ANGPT4: variants seen among roughly 807,000 people sequenced by gnomAD.
ANGPT4 encodes the protein angiopoietin 4, also known as angiopoietin-4.
Under a neutral mutation model 53.0 loss-of-function variants are expected in ANGPT4, and 50 were observed. That is an observed-to-expected ratio of 0.94 (90% CI 0.75 to 1.20). ANGPT4 has a LOEUF of 1.20. Ranked by LOEUF, ANGPT4 falls within the 50% of genes most tolerant of loss-of-function variation. The pLI is 0.00. For synonymous variants in ANGPT4, 251 were observed against 259.7 expected (o/e 0.97, Z 0.32); for missense variants, 648 against 637.1 (o/e 1.02, Z -0.18).
At chr20:905,981 G>T (rs1177493900) in intron 1 of ANGPT4, among the ~76,000 whole-genome samples, 1 of 152,138 alleles carries the variant, frequency 6.6e-6, no homozygotes, top group Non-Finnish European at 1.5e-5. Flanking sequence ...TTAAATATAG[G>T]CCTTTGGTCT....
chr20:906,046 G>C (rs1311825120), intron 1 of ANGPT4, among the ~76,000 whole-genome samples: 1 of 152,216 alleles, frequency 6.6e-6, no homozygotes, highest in Non-Finnish European at 1.5e-5. Context: ...CTAGCCTTCA[G>C]GATGACCCCA....
chr20:899,341 A>G (rs970776108), intron 1 of ANGPT4, among the ~76,000 whole-genome samples: 57 of 151,566 alleles, frequency 3.8e-4, no homozygotes, highest in East Asian at 2.7e-3. Context: ...TCCATCTCCC[A>G]GGTTCATGCC....
intron 3 of ANGPT4, among the ~76,000 whole-genome samples, chr20:887,601 C>A (rs1184162839): frequency 6.7e-6 from 1 of 149,668 alleles, no homozygotes; most frequent in Non-Finnish European, 1.5e-5. Flanking sequence ...GCCTTAGCTG[C>A]CAGATTTTTC....
rs577576289 is a variant in ANGPT4 at position 883,669 on chromosome 20, G to A, written c.835+1409C>T. On this transcript the variant is annotated intron_variant, in intron 4 of 8. Transcript: ENST00000381922. ...TGTTTGGGCAAAAGGTGCCCAAGGTGAGGTGCCCAACACAACCTCCTACTC... is the reference window on the plus strand; with the variant it reads ...TGTTTGGGCAAAAGGTGCCCAAGGTAAGGTGCCCAACACAACCTCCTACTC... Among the ~76,000 whole-genome samples, 4 of 152,336 alleles carry A rather than the reference G, an allele frequency of 2.6e-5. No homozygotes were observed. In the East Asian group the frequency reaches 7.7e-4, roughly 29 times the overall value.
intron 1 of ANGPT4, among the ~76,000 whole-genome samples, chr20:898,829 A>G (rs1982159765): frequency 1.3e-5 from 2 of 152,212 alleles, no homozygotes; most frequent in African/African-American, 2.4e-5. Context: ...CAAGTGCTGG[A>G]AATCTGGCCA....
At chr20:888,135 C>G (rs752207989) in intron 3 of ANGPT4, among the ~76,000 whole-genome samples, 183 bp downstream of exon 3, 24 of 152,166 alleles carry the variant, frequency 1.6e-4, no homozygotes, top group Non-Finnish European at 3.2e-4. Context: ...TACCTCCTTG[C>G]CCCAATCCTA....
At position 890,368 on chromosome 20, in the gene ANGPT4, G is replaced by A; in HGVS notation, c.310C>T (p.Leu104=). 6.2e-7 allele frequency: 1 copy of A among 1,609,440 alleles called. No individual in the cohort carries two copies. Among genetic ancestry groups the A allele is most frequent in the Non-Finnish European group, 8.5e-7 (1 of 1,179,564 alleles). The part of the protein sequence containing the change: ...LQNNTQWLKK[L]ERAIKTILRS... ...AAGATCGTCTTGATGGCCCTCTCTAGCTGTGGGAGACCATGGGCTGGGGTC... is the reference window on the plus strand; with the variant it reads ...AAGATCGTCTTGATGGCCCTCTCTAACTGTGGGAGACCATGGGCTGGGGTC... The change falls in exon 2 of 9, where the codon CTA becomes TTA. Residue 104 remains leucine, a splice_region_variant and synonymous_variant. Coordinates refer to ENST00000381922, the MANE Select transcript of ANGPT4 (RefSeq NM_015985.4).
rs112802863 is a variant in ANGPT4, at chr20:913,919, G to A, written c.309+1987C>T. Among the ~76,000 whole-genome samples the A allele has an allele frequency of 6.5e-3, 986 of 152,310 alleles. 3 individuals carry two copies. Among genetic ancestry groups the A allele is most frequent in the Non-Finnish European group, 8.9e-3 (607 of 68,022 alleles). ...GGAGGAGGGTGTTTGGAGAAGAGCAGGGAGTCGTCTCAGGCAGCTTTGGAG... is the reference window on the plus strand; with the variant it reads ...GGAGGAGGGTGTTTGGAGAAGAGCAAGGAGTCGTCTCAGGCAGCTTTGGAG... On this transcript the variant is annotated intron_variant, in intron 1 of 8. Coordinates refer to ENST00000381922, the MANE Select transcript of ANGPT4 (RefSeq NM_015985.4).
chr20:904,301 C>T (rs1292288352), intron 1 of ANGPT4, among the ~76,000 whole-genome samples: 1 of 152,222 alleles, frequency 6.6e-6, no homozygotes, highest in East Asian at 1.9e-4. Flanking sequence ...ATCCCACCAC[C>T]TGCCCTTCAG....
At chr20:892,825 C>A (rs1010276738) in intron 1 of ANGPT4, among the ~76,000 whole-genome samples, 2 of 152,166 alleles carry the variant, frequency 1.3e-5, no homozygotes, top group African/African-American at 4.8e-5. Context: ...CACCACCACG[C>A]GCAGTTCCCC....
chr20:872,729 G>A lies in ANGPT4; in HGVS notation c.*231C>T, dbSNP rs1405139874. ...CCCTGAAGGGGGAGGGAGAGAAGAGGGGCGAGGACTACATCAGAGGGATGG... is the reference window on the plus strand; with the variant it reads ...CCCTGAAGGGGGAGGGAGAGAAGAGAGGCGAGGACTACATCAGAGGGATGG... On this transcript the variant is annotated 3_prime_UTR_variant, in exon 9 of 9. Transcript: ENST00000381922. 6.0e-5 allele frequency: 33 copies of A among 545,626 alleles called. No individual in the cohort carries two copies. The East Asian group carries it at 1.0e-3, about 17-fold the overall frequency. The allele number at this position is 545,626 out of a possible 1,614,324, so 33.8% of individuals were successfully genotyped here. A position where few individuals can be genotyped will look rare whatever the true frequency, so the allele number is the denominator to read the frequency against.
intron 1 of ANGPT4, among the ~76,000 whole-genome samples, chr20:906,407 A>C (rs1982481585): frequency 6.6e-6 from 1 of 152,176 alleles, no homozygotes; most frequent in Non-Finnish European, 1.5e-5. Flanking sequence ...CATGAAAAAA[A>C]CCCCAAGTCG....
Position 893,791 on chromosome 20 carries a change from C to T in ANGPT4, c.310-3423G>A, listed in dbSNP as rs1487532085. ...CCAGTTCTGAAGCCCCAAACCCAGACCTCAATCTTAACTTCTCTTTTTCTT... is the reference window on the plus strand; with the variant it reads ...CCAGTTCTGAAGCCCCAAACCCAGATCTCAATCTTAACTTCTCTTTTTCTT... On this transcript the variant is annotated intron_variant, in intron 1 of 8. Transcript: ENST00000381922. 3.9e-5 allele frequency among the ~76,000 whole-genome samples: 6 copies of T among 152,180 alleles called. No individual in the cohort carries two copies. In the East Asian group the frequency reaches 9.6e-4, roughly 24 times the overall value.
At chr20:907,455 C>T (rs1338648344) in intron 1 of ANGPT4, among the ~76,000 whole-genome samples, 1 of 152,202 alleles carries the variant, frequency 6.6e-6, no homozygotes, top group Non-Finnish European at 1.5e-5. Context: ...ATATTTCAAC[C>T]TTGATCTTGG....
At chr20:901,539 A>T (rs1982288601) in intron 1 of ANGPT4, among the ~76,000 whole-genome samples, 1 of 152,210 alleles carries the variant, frequency 6.6e-6, no homozygotes, top group South Asian at 2.1e-4. Flanking sequence ...CAGGTGATTA[A>T]AAAGCTTTAT....
At chr20:912,692 G>A (rs1982751547) in intron 1 of ANGPT4, among the ~76,000 whole-genome samples, 1 of 152,058 alleles carries the variant, frequency 6.6e-6, no homozygotes, top group Non-Finnish European at 1.5e-5. Flanking sequence ...GTATGAAAGA[G>A]GAGAGAGAGA....
Position 915,833 on chromosome 20 carries a change from G to C in ANGPT4, c.309+73C>G. 5.4e-6 allele frequency: 8 copies of C among 1,492,882 alleles called. No homozygotes were observed. In the South Asian group the frequency reaches 9.5e-5, roughly 18 times the overall value. 92.5% of individuals were successfully genotyped at this position (1,492,882 alleles called of 1,614,324 possible). A position where few individuals can be genotyped will look rare whatever the true frequency, so the allele number is the denominator to read the frequency against. On this transcript the variant is annotated intron_variant, in intron 1 of 8. Coordinates refer to ENST00000381922, the MANE Select transcript of ANGPT4 (RefSeq NM_015985.4). ...GTGCTCAGGGAAGGCCTCTTGGATGGACACTCCACCTGCTGATTGTGACAG... is the reference window on the plus strand; with the variant it reads ...GTGCTCAGGGAAGGCCTCTTGGATGCACACTCCACCTGCTGATTGTGACAG...
At chr20:890,129 A>C in intron 2 of ANGPT4, 84 bp downstream of exon 2, 20 of 1,507,860 alleles carry the variant, frequency 1.3e-5, no homozygotes, top group Non-Finnish European at 1.6e-5. Flanking sequence ...ACTCAGGGTC[A>C]GAGATCAAGG....
chr20:890,822 A>G (rs1277924319), intron 1 of ANGPT4, among the ~76,000 whole-genome samples: 1 of 152,034 alleles, frequency 6.6e-6, no homozygotes, highest in African/African-American at 2.4e-5. Context: ...GCTCCATGAC[A>G]TCCCTCTAAC....
Sources: gnomAD v4.1 joint callset for allele counts (sites outside exome capture counted in the v4.1 genomes callset) on GRCh38, gnomAD v4.1.1 for gene constraint, MANE v1.5 for transcripts, NCBI Gene and HGNC (gene_info 2026-07-23, HGNC 2026-07-21) for gene names.